The following KRABD3 variants were observed in gnomAD, a reference collection of about 807,000 sequenced individuals.
The protein encoded by KRABD3 is KRAB domain containing 3, also known as KRAB domain-containing protein 3.
the KRABD3 span, chr7:149,729,919 A>G: frequency 5.8e-4 from 732 of 1,268,732 alleles, no homozygotes; most frequent in Admixed American, 9.5e-4. Context: ...GGAGACTTCC[A>G]GAAAGTTCCC....
the KRABD3 span, chr7:149,720,685 C>G: frequency 1.2e-6 from 1 of 859,426 alleles, no homozygotes; most frequent in Non-Finnish European, 1.8e-6. Context: ...AGCCCAGGTC[C>G]TCTATATCTC....
chr7:149,719,571 C>G, the KRABD3 span: 1 of 1,599,852 alleles, frequency 6.3e-7, no homozygotes, highest in Non-Finnish European at 8.5e-7. The surrounding 1 kb of genome is among the most constrained non-coding windows in gnomAD (Gnocchi z 5.6). Context: ...AAGGACTTGG[C>G]CGTGCGGTTC....
At chr7:149,726,349 C>A in the KRABD3 span, among the ~76,000 whole-genome samples, 1 of 152,150 alleles carries the variant, frequency 6.6e-6, no homozygotes, top group Non-Finnish European at 1.5e-5. Flanking sequence ...GTACTCCCAG[C>A]ACTTTGGGAG....
chr7:149,718,780 G>T, the KRABD3 span, among the ~76,000 whole-genome samples: 1 of 152,194 alleles, frequency 6.6e-6, no homozygotes, highest in Non-Finnish European at 1.5e-5. Context: ...CCCCCGAAGT[G>T]CTGGGATTAC....
chr7:149,726,727 C>T, the KRABD3 span, among the ~76,000 whole-genome samples: 18,888 of 151,964 alleles, frequency 0.12, 1,245 homozygotes, highest in Middle Eastern at 0.23. Flanking sequence ...GATGAGCCAC[C>T]GCGCCCAGCC....
At chr7:149,733,265 C>G in the KRABD3 span, 1 of 1,612,336 alleles carries the variant, frequency 6.2e-7, no homozygotes, top group Admixed American at 1.7e-5. Flanking sequence ...TGAGTCTCCC[C>G]CTCCGGAGCT....
At chr7:149,732,783 T>C in the KRABD3 span, among the ~76,000 whole-genome samples, 2 of 152,032 alleles carry the variant, frequency 1.3e-5, no homozygotes, top group African/African-American at 2.4e-5. This position sits in a 1 kb window ranked among gnomAD's most constrained non-coding sequence, Gnocchi z 4.0. Flanking sequence ...GGCCCTTGGC[T>C]TGCCTGGCCC....
At chr7:149,730,556 G>C in the KRABD3 span, 1 of 1,611,876 alleles carries the variant, frequency 6.2e-7, no homozygotes. Context: ...GTACTGCAGC[G>C]GCCTCGGTGC....
At chr7:149,729,171 A>G in the KRABD3 span, 1 of 1,461,046 alleles carries the variant, frequency 6.8e-7, no homozygotes, top group Non-Finnish European at 9.1e-7. Flanking sequence ...AGGCCTTCTG[A>G]TTTCTCATTA....
the KRABD3 span, among the ~76,000 whole-genome samples, chr7:149,731,441 C>A: frequency 6.6e-6 from 1 of 152,166 alleles, no homozygotes; most frequent in Non-Finnish European, 1.5e-5. Context: ...CCTCCCCAGC[C>A]GCCTCCTCCT....
chr7:149,718,912 A>G, the KRABD3 span, among the ~76,000 whole-genome samples: 1 of 152,254 alleles, frequency 6.6e-6, no homozygotes. Flanking sequence ...AGGAGATAGG[A>G]GTACAGGGTG....
At chr7:149,726,857 A>G in the KRABD3 span, among the ~76,000 whole-genome samples, 81 of 152,246 alleles carry the variant, frequency 5.3e-4, no homozygotes, top group East Asian at 0.015. Context: ...GCAGTGAGCT[A>G]TGTTCACACC....
At chr7:149,719,629 C>CCGAGACGTGATGCGGGAGAACTA in the KRABD3 span, 1 of 1,608,842 alleles carries the variant, frequency 6.2e-7, no homozygotes, top group African/African-American at 1.3e-5. The surrounding 1 kb of genome is among the most constrained non-coding windows in gnomAD (Gnocchi z 5.6). Flanking sequence ...GGGAGTTCTA[C>CCGAGACGTGATGCGGGAGAACTA]CGAGACGTGA....
At chr7:149,724,713 T>C in the KRABD3 span, 3 of 1,551,038 alleles carry the variant, frequency 1.9e-6, no homozygotes, top group South Asian at 2.4e-5. Context: ...GTCTGCTCTC[T>C]GTGAAGATGG....
the KRABD3 span, chr7:149,722,166 C>T: frequency 1.9e-6 from 1 of 525,710 alleles, no homozygotes; most frequent in South Asian, 2.0e-5. Flanking sequence ...GCCTACATGT[C>T]AAGGCTGCCG....
At chr7:149,721,624 AT>A in the KRABD3 span, 87 of 1,415,366 alleles carry the variant, frequency 6.1e-5, no homozygotes, top group Non-Finnish European at 8.3e-5. Flanking sequence ...TGCCCTCTTC[AT>A]TTTTTTCTAG....
chr7:149,715,233 C>G, the KRABD3 span: 2 of 1,217,134 alleles, frequency 1.6e-6, no homozygotes, highest in Non-Finnish European at 2.0e-6. Context: ...GACAACCTCT[C>G]TCCAGCTCTC....
the KRABD3 span, chr7:149,724,707 G>C: frequency 6.4e-7 from 1 of 1,550,508 alleles, no homozygotes; most frequent in Non-Finnish European, 8.7e-7. Context: ...CTGGCGGTCT[G>C]CTCTCTGTGA....
the KRABD3 span, chr7:149,730,353 C>T: frequency 1.4e-4 from 222 of 1,543,574 alleles, no homozygotes; most frequent in Non-Finnish European, 1.8e-4. Flanking sequence ...TGAGCCTGTG[C>T]GGAGAGGGAG....
Sources: allele counts gnomAD v4.1 joint callset (sites outside exome capture counted in the v4.1 genomes callset), GRCh38; gene constraint gnomAD v4.1.1; non-coding constraint Gnocchi (gnomAD v3.1); transcripts MANE v1.5; gene names NCBI Gene and HGNC (gene_info 2026-07-23, HGNC 2026-07-21).